The following GARRE1 variants were observed in gnomAD, a reference collection of about 807,000 sequenced individuals.
GARRE1 encodes granule associated Rac and RHOG effector protein 1.
A neutral mutation model predicts 103.2 loss-of-function variants in GARRE1; 49 were observed. The ratio of observed to expected loss-of-function variants is 0.47; its 90% CI spans 0.38 to 0.60. The LOEUF (loss-of-function observed/expected upper bound fraction) is 0.60. GARRE1 is among the 20% of genes least tolerant of loss of function. The pLI is 0.00. For missense variants in GARRE1, 1,199 were observed against 1,370.5 expected, an observed-to-expected ratio of 0.87 and a Z score of 1.98; for synonymous variants, 505 against 532.8, an observed-to-expected ratio of 0.95 and a Z score of 0.72.
intron 2 of GARRE1, among the ~76,000 whole-genome samples, chr19:34,318,460 G>A (rs2074070068): frequency 6.6e-6 from 1 of 152,246 alleles, no homozygotes; most frequent in African/African-American, 2.4e-5. Flanking sequence ...CTGAGGGCCG[G>A]CTGTGAGTAG....
chr19:34,301,513 C>CAAAAAAAAAAAA (rs57777660), intron 2 of GARRE1, among the ~76,000 whole-genome samples: 1 of 85,402 alleles, frequency 1.2e-5, no homozygotes, highest in Non-Finnish European at 2.2e-5. Context: ...GACCATGTCT[C>CAAAAAAAAAAAA]AAAAAAAAAA....
At chr19:34,351,314 C>T (rs1028259696) in intron 12 of GARRE1, among the ~76,000 whole-genome samples, 200 bp from the exon 13 acceptor site, 3 of 152,186 alleles carry the variant, frequency 2.0e-5, no homozygotes, top group Non-Finnish European at 4.4e-5. Context: ...CCCAGCTCCT[C>T]CACCTGCACT....
At chr19:34,338,220 C>G (rs1387607482) in intron 8 of GARRE1, among the ~76,000 whole-genome samples, 1 of 152,160 alleles carries the variant, frequency 6.6e-6, no homozygotes, top group Non-Finnish European at 1.5e-5. Context: ...ACCTATGCTG[C>G]TCAGACTGTT....
At chr19:34,296,251 T>G (rs988885827) in intron 1 of GARRE1, 13 of 645,524 alleles carry the variant, frequency 2.0e-5, no homozygotes, top group Non-Finnish European at 3.3e-5. Flanking sequence ...AGTCCTTCTG[T>G]TCTCACATTT....
intron 2 of GARRE1, among the ~76,000 whole-genome samples, chr19:34,306,975 A>G (rs1422989245): frequency 1.3e-5 from 2 of 152,060 alleles, no homozygotes; most frequent in African/African-American, 4.8e-5. Context: ...AAGGCCTGAA[A>G]GGGATGAGAG....
intron 1 of GARRE1, chr19:34,296,443 G>A (rs1193053207): frequency 1.3e-6 from 2 of 1,588,340 alleles, no homozygotes; most frequent in African/African-American, 1.3e-5. Context: ...AGCTTGGGGT[G>A]GGCAATGTAG....
At chr19:34,306,523 T>A (rs2074008144) in intron 2 of GARRE1, among the ~76,000 whole-genome samples, 2 of 152,130 alleles carry the variant, frequency 1.3e-5, no homozygotes, top group African/African-American at 4.8e-5. Flanking sequence ...CATATGTGAG[T>A]CCTGTCCAGT....
At position 34,281,435 on chromosome 19, in the gene GARRE1, C is replaced by T. The variant is rs188397781; in HGVS notation, c.-795-18244C>T. Reference sequence around the variant, plus strand: ...CCTCCCTGGTAGCTGGGACTACAGACGCCTGCCACTATGCCTGGCTAATTT... The same window carrying T: ...CCTCCCTGGTAGCTGGGACTACAGATGCCTGCCACTATGCCTGGCTAATTT... On this transcript the variant is annotated intron_variant, in intron 1 of 13. Transcript: ENST00000299505. Among the ~76,000 whole-genome samples, 666 of 152,290 alleles carry T rather than the reference C, an allele frequency of 4.4e-3. 1 individual carries two copies. The highest frequency in any genetic ancestry group is 0.015 in the African/African-American group (630 of 41,550).
chr19:34,323,913 C>T (rs1389378385), intron 3 of GARRE1, among the ~76,000 whole-genome samples: 1 of 152,196 alleles, frequency 6.6e-6, no homozygotes, highest in Non-Finnish European at 1.5e-5. Context: ...AGTGATGCCA[C>T]CCCCTACTAC....
At chr19:34,264,672 A>G (rs1336267894) in intron 1 of GARRE1, among the ~76,000 whole-genome samples, 1 of 152,226 alleles carries the variant, frequency 6.6e-6, no homozygotes, top group African/African-American at 2.4e-5. Flanking sequence ...TGCTGGGATT[A>G]TAGGTGTGAG....
At chr19:34,288,368 C>T (rs1005500161) in intron 1 of GARRE1, among the ~76,000 whole-genome samples, 6 of 152,178 alleles carry the variant, frequency 3.9e-5, no homozygotes, top group South Asian at 2.1e-4. Context: ...TCTTCCACCC[C>T]TTCAGTTTCC....
At chr19:34,266,642 C>T (rs1568522363) in intron 1 of GARRE1, among the ~76,000 whole-genome samples, 1 of 152,142 alleles carries the variant, frequency 6.6e-6, no homozygotes, top group Non-Finnish European at 1.5e-5. Flanking sequence ...TTGCATCAGG[C>T]AACTTTCTGG....
chr19:34,288,082 C>T (rs578021336), intron 1 of GARRE1, among the ~76,000 whole-genome samples: 2 of 152,054 alleles, frequency 1.3e-5, no homozygotes, highest in Non-Finnish European at 2.9e-5. Flanking sequence ...ATTCTTTAGT[C>T]CAAGCCTTAG....
At chr19:34,316,936 C>T (rs887220646) in intron 2 of GARRE1, among the ~76,000 whole-genome samples, 4 of 152,212 alleles carry the variant, frequency 2.6e-5, no homozygotes, top group East Asian at 3.8e-4. Flanking sequence ...TCCCCCACTC[C>T]TTCCTACAGC....
At chr19:34,296,423 A>G (rs1451587976) in intron 1 of GARRE1, 10 of 1,582,282 alleles carry the variant, frequency 6.3e-6, no homozygotes, top group Non-Finnish European at 8.6e-6. Context: ...GGGCACGAGC[A>G]CACTTCCCAA....
At chr19:34,257,520 C>A (rs2073681987) in intron 1 of GARRE1, among the ~76,000 whole-genome samples, 1 of 149,532 alleles carries the variant, frequency 6.7e-6, no homozygotes, top group African/African-American at 2.5e-5. Flanking sequence ...CTTTTTTCCT[C>A]CTGTAACTTT....
intron 2 of GARRE1, among the ~76,000 whole-genome samples, chr19:34,302,549 G>A (rs775785077): frequency 1.3e-5 from 2 of 151,026 alleles, no homozygotes; most frequent in Non-Finnish European, 3.0e-5. Flanking sequence ...CTGCCTCAGC[G>A]TCCCAAAGTG....
chr19:34,285,785 T>C (rs942603135), intron 1 of GARRE1, among the ~76,000 whole-genome samples: 1 of 151,894 alleles, frequency 6.6e-6, no homozygotes, highest in African/African-American at 2.4e-5. Flanking sequence ...CGTGAGCCAC[T>C]GTGACCAGCC....
At chr19:34,302,784 G>A (rs2073987176) in intron 2 of GARRE1, among the ~76,000 whole-genome samples, 4 of 136,142 alleles carry the variant, frequency 2.9e-5, no homozygotes, top group Admixed American at 8.0e-5. Context: ...TCTCTCTGTC[G>A]CCCAAGCTGA....
Sources: gnomAD v4.1 joint callset for allele counts (sites outside exome capture counted in the v4.1 genomes callset) on GRCh38, gnomAD v4.1.1 for gene constraint, MANE v1.5 for transcripts, NCBI Gene and HGNC (gene_info 2026-07-23, HGNC 2026-07-21) for gene names.